Variants in RRAS2 observed in about 807,000 individuals in gnomAD.
The protein encoded by RRAS2 is RAS related 2.
RRAS2 carries 7 observed loss-of-function variants against 27.6 expected under a neutral mutation model. That is an observed-to-expected ratio of 0.25 (90% CI 0.14 to 0.48). The LOEUF (loss-of-function observed/expected upper bound fraction) is 0.48, where lower values mean the gene tolerates loss of function less well. RRAS2 is among the 20% of genes least tolerant of loss of function. The probability of loss-of-function intolerance (pLI) is 0.99; values close to 1 mark genes in which losing one functional copy is unlikely to be tolerated. For missense variants in RRAS2, 178 were observed against 256.2 expected (o/e 0.69, Z 2.08); for synonymous variants, 86 against 90.9 (o/e 0.95, Z 0.31).
chr11:14,332,598 A>G (rs1848502217), intron 1 of RRAS2, among the ~76,000 whole-genome samples: 1 of 152,204 alleles, frequency 6.6e-6, no homozygotes, highest in Admixed American at 6.5e-5. Flanking sequence ...AACATCCCAG[A>G]CACAAAAAGA....
At chr11:14,353,817 A>C (rs1365841552) in intron 1 of RRAS2, among the ~76,000 whole-genome samples, 3 of 152,198 alleles carry the variant, frequency 2.0e-5, no homozygotes. Flanking sequence ...GGTGTACAGA[A>C]ATTTTATCTA....
chr11:14,285,435 T>C (rs1310840610), intron 4 of RRAS2, among the ~76,000 whole-genome samples: 1 of 152,186 alleles, frequency 6.6e-6, no homozygotes, highest in Non-Finnish European at 1.5e-5. Flanking sequence ...CTGCTCTTTT[T>C]TGTTATTAAC....
chr11:14,295,838 A>G lies in RRAS2; in HGVS notation c.126T>C (p.Asp42=). Residue 42 remains aspartate (D), a synonymous_variant, in exon 2 of 6, where the codon GAT becomes GAC. Transcript: ENST00000256196. The part of the protein sequence containing the change: ...IQFIQSYFVT[D]YDPTIEDSYT... ...AAGAATCTTCAATGGTTGGATCATAATCCGTTACAAAATAGGACTGCAAGA... is the reference window on the plus strand; with the variant it reads ...AAGAATCTTCAATGGTTGGATCATAGTCCGTTACAAAATAGGACTGCAAGA... The G allele has an allele frequency of 6.2e-7, 1 of 1,613,344 alleles. No individual in the cohort carries two copies.
At chr11:14,348,450 T>A (rs1049723244) in intron 1 of RRAS2, among the ~76,000 whole-genome samples, 4 of 152,244 alleles carry the variant, frequency 2.6e-5, no homozygotes, top group Non-Finnish European at 4.4e-5. Flanking sequence ...TTAAATCAAC[T>A]GTTATAATTG....
rs1554943910 is a variant in RRAS2 at position 14,279,166 on chromosome 11, G to A, written c.*171C>T. 1.0e-5 allele frequency: 6 copies of A among 589,058 alleles called. No individual in the cohort carries two copies. The highest frequency in any genetic ancestry group is 3.1e-6 in the Non-Finnish European group (1 of 327,814). 36.5% of individuals were successfully genotyped at this position (589,058 alleles called of 1,614,324 possible). ...TTAGTGTTTCCTTTAAATTTGTCTG[G>A]AAATGACCATTGTATTAGCTTCACA... On this transcript the variant is annotated 3_prime_UTR_variant, in exon 6 of 6. Transcript: ENST00000256196.
At chr11:14,298,954 C>G (rs782385721) in intron 1 of RRAS2, among the ~76,000 whole-genome samples, 6 of 152,170 alleles carry the variant, frequency 3.9e-5, no homozygotes, top group Non-Finnish European at 7.4e-5. Flanking sequence ...AATAAGTAAT[C>G]AGTCCCCGTG....
At position 14,358,876 on chromosome 11, in the gene RRAS2, C is replaced by T. The variant is rs1255929068; in HGVS notation, c.-6G>A. The T allele has an allele frequency of 1.4e-6, 2 of 1,446,116 alleles. No individual in the cohort carries two copies. The highest frequency in any genetic ancestry group is 1.5e-5 in the African/African-American group (1 of 67,844). The allele number at this position is 1,446,116 out of a possible 1,614,324, so 89.6% of individuals were successfully genotyped here. A position where few individuals can be genotyped will look rare whatever the true frequency, so the allele number is the denominator to read the frequency against. ...CGCCAGCCGGCCGCGGCCATGGGGA[C>T]GCTACAGAGCCCAGCCTGACTGCGC... On this transcript the variant is annotated 5_prime_UTR_variant, in exon 1 of 6. Coordinates refer to ENST00000256196, the MANE Select transcript of RRAS2 (RefSeq NM_012250.6). The surrounding 1 kb of genome is among the most constrained non-coding windows in gnomAD (Gnocchi z 5.1).
At chr11:14,348,307 C>A (rs981017396) in intron 1 of RRAS2, among the ~76,000 whole-genome samples, 8 of 152,156 alleles carry the variant, frequency 5.3e-5, no homozygotes, top group Admixed American at 1.3e-4. Flanking sequence ...TATTTTCCCC[C>A]TGTAAAATTA....
chr11:14,284,360 G>A (rs782027084), intron 4 of RRAS2, among the ~76,000 whole-genome samples: 4 of 152,062 alleles, frequency 2.6e-5, no homozygotes, highest in Non-Finnish European at 5.9e-5. Context: ...TAATTTCCAA[G>A]TTAATTCTAC....
intron 1 of RRAS2, among the ~76,000 whole-genome samples, chr11:14,303,549 C>A (rs989578518): frequency 6.6e-6 from 1 of 152,102 alleles, no homozygotes; most frequent in Non-Finnish European, 1.5e-5. Context: ...CCGGCCTCAG[C>A]GACAGAGAGA....
chr11:14,296,020 T>TA (rs2133963810), intron 1 of RRAS2, 165 bp from the exon 2 acceptor site: 2 of 448,440 alleles, frequency 4.5e-6, no homozygotes, highest in East Asian at 7.6e-5. Flanking sequence ...AAAAAAAAAT[T>TA]AAAAAATTAA....
At chr11:14,337,556 C>T (rs145108461) in intron 1 of RRAS2, among the ~76,000 whole-genome samples, 3 of 152,188 alleles carry the variant, frequency 2.0e-5, no homozygotes, top group African/African-American at 2.4e-5. Context: ...TGAGAAAGAC[C>T]GCATTCAGAT....
At chr11:14,350,001 A>G (rs541669777) in intron 1 of RRAS2, among the ~76,000 whole-genome samples, 1 of 152,252 alleles carries the variant, frequency 6.6e-6, no homozygotes, top group African/African-American at 2.4e-5. Flanking sequence ...CCCTGCCCCC[A>G]TTCCCTCTAT....
At position 14,358,642 on chromosome 11, in the gene RRAS2, G is replaced by A. The variant is rs1276818011; in HGVS notation, c.108+121C>T. On this transcript the variant is annotated intron_variant, in intron 1 of 5. Transcript: ENST00000256196. This position sits in a 1 kb window ranked among gnomAD's most constrained non-coding sequence, Gnocchi z 5.1. Reference sequence around the variant, plus strand: ...TCGGCCCCGCGCCCTCCCGCCCCCTGGCCCCGGCCCGGGCCCGCGAGGCGC... The same window carrying A: ...TCGGCCCCGCGCCCTCCCGCCCCCTAGCCCCGGCCCGGGCCCGCGAGGCGC... The A allele has an allele frequency of 2.4e-3, 2,389 of 976,146 alleles. 7 individuals are homozygous for A. Among genetic ancestry groups the A allele is most frequent in the Non-Finnish European group, 2.8e-3 (2,296 of 820,878 alleles). The allele number at this position is 976,146 out of a possible 1,614,324, so 60.5% of individuals were successfully genotyped here.
intron 4 of RRAS2, among the ~76,000 whole-genome samples, chr11:14,282,961 G>A (rs1849580039): frequency 6.6e-6 from 1 of 152,162 alleles, no homozygotes; most frequent in South Asian, 2.1e-4. Context: ...CCAGTACAAT[G>A]ACATAAGTGG....
At chr11:14,311,859 G>A (rs1356655246) in intron 1 of RRAS2, among the ~76,000 whole-genome samples, 1 of 151,554 alleles carries the variant, frequency 6.6e-6, no homozygotes, top group Admixed American at 6.6e-5. Flanking sequence ...CTTTGTTACT[G>A]TGAAAAACTT....
chr11:14,332,332 C>T (rs1431274004), intron 1 of RRAS2, among the ~76,000 whole-genome samples: 2 of 151,980 alleles, frequency 1.3e-5, no homozygotes, highest in South Asian at 2.1e-4. Flanking sequence ...TACTACCAAA[C>T]AATAAAAAAG....
intron 4 of RRAS2, among the ~76,000 whole-genome samples, chr11:14,287,118 C>T (rs1482369938): frequency 6.6e-6 from 1 of 152,206 alleles, no homozygotes; most frequent in Non-Finnish European, 1.5e-5. Flanking sequence ...TTTGGAAGCA[C>T]CTTCTCAGAG....
chr11:14,355,802 A>G (rs1489772294), intron 1 of RRAS2, among the ~76,000 whole-genome samples: 2 of 152,208 alleles, frequency 1.3e-5, no homozygotes, highest in African/African-American at 4.8e-5. Flanking sequence ...TCCTACCAAG[A>G]GAACTGACTT....
Sources: gnomAD v4.1 joint callset for allele counts (sites outside exome capture counted in the v4.1 genomes callset) on GRCh38, gnomAD v4.1.1 for gene constraint, Gnocchi (gnomAD v3.1) non-coding constraint, MANE v1.5 for transcripts, NCBI Gene and HGNC (gene_info 2026-07-23, HGNC 2026-07-21) for gene names.